Variants in CNNM2 observed in about 807,000 individuals in gnomAD.
CNNM2 encodes cyclin and CBS domain divalent metal cation transport mediator 2.
A neutral mutation model predicts 66.9 loss-of-function variants in CNNM2; 12 were observed. The observed-to-expected ratio is 0.18, with a 90% CI of 0.11 to 0.29. CNNM2 has a LOEUF of 0.29. Among genes scored for constraint, CNNM2 ranks in the 10% least tolerant of loss-of-function variants. CNNM2 has a pLI of 1.00. For missense variants in CNNM2, 705 were observed against 1,167.7 expected (o/e 0.60, Z 5.77); for synonymous variants, 557 against 501.8 (o/e 1.11, Z -1.47).
intron 1 of CNNM2, among the ~76,000 whole-genome samples, chr10:102,999,390 C>T (rs969663018): frequency 6.6e-6 from 1 of 151,762 alleles, no homozygotes; most frequent in African/African-American, 2.4e-5. Flanking sequence ...CCAAAAATTG[C>T]TTATATTTCT....
chr10:103,030,032 G>T (rs1042212405), intron 1 of CNNM2, among the ~76,000 whole-genome samples: 2 of 152,078 alleles, frequency 1.3e-5, no homozygotes, highest in African/African-American at 2.4e-5. Flanking sequence ...TGCTTACATT[G>T]AATATTTGAG....
intron 1 of CNNM2, among the ~76,000 whole-genome samples, chr10:102,972,179 A>T (rs1384921941): frequency 6.6e-6 from 1 of 152,196 alleles, no homozygotes; most frequent in Non-Finnish European, 1.5e-5. Context: ...TTCTAAGTGT[A>T]ACTATCTTAA....
chr10:103,015,942 C>T lies in CNNM2; in HGVS notation c.1622-33765C>T, dbSNP rs139602943. 7.9e-5 allele frequency among the ~76,000 whole-genome samples: 12 copies of T among 152,272 alleles called. No individual in the cohort carries two copies. The East Asian group carries it at 2.3e-3, about 29-fold the overall frequency. On this transcript the variant is annotated intron_variant, in intron 1 of 7. Coordinates refer to ENST00000369878, the MANE Select transcript of CNNM2 (RefSeq NM_017649.5). The stretch of plus-strand genomic sequence containing the variant: ...CAAAAGCTCAAAGTTAAGCTCACCC[C>T]AGGCCTGGCTGGATTTTAATCTCTA...
chr10:103,011,454 A>G (rs181761390), intron 1 of CNNM2, among the ~76,000 whole-genome samples: 1 of 151,522 alleles, frequency 6.6e-6, no homozygotes, highest in East Asian at 1.9e-4. Context: ...CTCCATCTCA[A>G]AAAATAAAAG....
chr10:102,963,801 A>T (rs1478254948), intron 1 of CNNM2, among the ~76,000 whole-genome samples: 1 of 152,238 alleles, frequency 6.6e-6, no homozygotes, highest in Non-Finnish European at 1.5e-5. Flanking sequence ...AAGATAAAGC[A>T]TGCACAGAAA....
chr10:102,974,298 G>T (rs1440758003), intron 1 of CNNM2, among the ~76,000 whole-genome samples: 1 of 152,198 alleles, frequency 6.6e-6, no homozygotes, highest in Admixed American at 6.5e-5. Context: ...GTCCAAATTT[G>T]AACTCAGTCA....
At chr10:103,040,397 A>G (rs1328768943) in intron 1 of CNNM2, among the ~76,000 whole-genome samples, 2 of 151,908 alleles carry the variant, frequency 1.3e-5, no homozygotes, top group African/African-American at 4.8e-5. Flanking sequence ...GGGCGGATGA[A>G]GCTTAAGAAG....
At chr10:102,937,552 A>G (rs1388635910) in intron 1 of CNNM2, among the ~76,000 whole-genome samples, 1 of 152,202 alleles carries the variant, frequency 6.6e-6, no homozygotes, top group Non-Finnish European at 1.5e-5. Flanking sequence ...AGGAGACAAA[A>G]AGATAAAAGG....
intron 1 of CNNM2, among the ~76,000 whole-genome samples, chr10:102,943,585 A>G (rs1370713385): frequency 6.6e-6 from 1 of 152,206 alleles, no homozygotes; most frequent in Non-Finnish European, 1.5e-5. Flanking sequence ...TATTTAGGAA[A>G]AAAACGCACA....
rs2065857983 is a variant in CNNM2 at position 103,087,713 on chromosome 10, T to C, written c.*10533T>C. ...ATCTTGAGTGAGAGTAATTAGTAACTAGGATGACCACACATTCTCCTAACA... is the reference window on the plus strand; with the variant it reads ...ATCTTGAGTGAGAGTAATTAGTAACCAGGATGACCACACATTCTCCTAACA... On this transcript the variant is annotated 3_prime_UTR_variant, in exon 8 of 8. Coordinates refer to ENST00000369878, the MANE Select transcript of CNNM2 (RefSeq NM_017649.5). The C allele has an allele frequency of 6.6e-6, 1 of 152,226 alleles. No individual in the cohort carries two copies. The highest frequency in any genetic ancestry group is 2.4e-5 in the African/African-American group (1 of 41,456). The allele number at this position is 152,226 out of a possible 1,614,324, so 9.4% of individuals were successfully genotyped here. A position where few individuals can be genotyped will look rare whatever the true frequency, so the allele number is the denominator to read the frequency against.
intron 1 of CNNM2, among the ~76,000 whole-genome samples, chr10:103,016,138 C>T (rs191899421): frequency 8.5e-5 from 13 of 152,206 alleles, no homozygotes; most frequent in African/African-American, 2.2e-4. Flanking sequence ...CCAAGCCCCC[C>T]GCTTCCCCCA....
Position 103,063,561 on chromosome 10 carries a change from C to T in CNNM2, c.2074-5068C>T, listed in dbSNP as rs7087944. ...TTCCACTTTGAAGCCAGACATGGCA[C>T]GGGCTGTTGAGTAGGTTGTGGACAC... On this transcript the variant is annotated intron_variant, in intron 4 of 7. Transcript: ENST00000369878. 0.041 allele frequency among the ~76,000 whole-genome samples: 6,267 copies of T among 152,204 alleles called. 443 individuals are homozygous for T. Among genetic ancestry groups the T allele is most frequent in the African/African-American group, 0.14 (5,924 of 41,502 alleles).
At chr10:102,971,752 T>C (rs981211433) in intron 1 of CNNM2, among the ~76,000 whole-genome samples, 9 of 152,346 alleles carry the variant, frequency 5.9e-5, no homozygotes, top group African/African-American at 2.2e-4. Context: ...TTTAAGGTTT[T>C]TGCTTATGTA....
Position 102,980,975 on chromosome 10 carries a change from C to G in CNNM2, c.1621+60874C>G, listed in dbSNP as rs144867934. ...TATGCATCAGTTCTTTAGCTTGTTT[C>G]GGAAGCACATCTCCTAGAACTGCCA... On this transcript the variant is annotated intron_variant, in intron 1 of 7. Transcript: ENST00000369878. Among the ~76,000 whole-genome samples, 701 of 152,218 alleles carry G rather than the reference C, an allele frequency of 4.6e-3. 2 individuals are homozygous for G. Among genetic ancestry groups the G allele is most frequent in the Non-Finnish European group, 6.8e-3 (463 of 68,022 alleles).
chr10:103,015,975 C>A (rs1198232101), intron 1 of CNNM2, among the ~76,000 whole-genome samples: 1 of 152,134 alleles, frequency 6.6e-6, no homozygotes, highest in African/African-American at 2.4e-5. Flanking sequence ...CTACTTGCCC[C>A]CTTACAGCTT....
In CNNM2 at chr10:103,089,825, T is replaced by C; in HGVS notation, c.*12645T>C. 1.2e-6 allele frequency: 2 copies of C among 1,614,130 alleles called. No individual in the cohort carries two copies. The highest frequency in any genetic ancestry group is 1.7e-6 in the Non-Finnish European group (2 of 1,180,020). ...TGTAGTCAGTGTCTTTGAAATCCAC[T>C]GATGTGCGGTTCCGGGTGGCAAGAG... On this transcript the variant is annotated 3_prime_UTR_variant, in exon 8 of 8. Transcript: ENST00000369878.
intron 1 of CNNM2, among the ~76,000 whole-genome samples, chr10:103,008,018 C>A (rs753202621): frequency 2.0e-5 from 3 of 152,214 alleles, no homozygotes; most frequent in Non-Finnish European, 4.4e-5. Flanking sequence ...AATTTCTCTT[C>A]ACTAAAATAA....
intron 1 of CNNM2, among the ~76,000 whole-genome samples, chr10:102,960,674 G>C (rs1301926597): frequency 6.6e-6 from 1 of 151,770 alleles, no homozygotes; most frequent in Non-Finnish European, 1.5e-5. Flanking sequence ...CTGGAGTGCA[G>C]TGGCGTGTGA....
chr10:102,964,145 T>G (rs926656921), intron 1 of CNNM2, among the ~76,000 whole-genome samples: 2 of 152,222 alleles, frequency 1.3e-5, no homozygotes, highest in Non-Finnish European at 2.9e-5. Context: ...GTCTACCAAC[T>G]TTAATGAAAT....
Sources: allele counts gnomAD v4.1 joint callset (sites outside exome capture counted in the v4.1 genomes callset), GRCh38; gene constraint gnomAD v4.1.1; transcripts MANE v1.5; gene names NCBI Gene and HGNC (gene_info 2026-07-23, HGNC 2026-07-21).